FRMD6: variants seen among roughly 807,000 people sequenced by gnomAD.
FRMD6 encodes the protein FERM domain-containing protein 6.
FRMD6 carries 37 observed loss-of-function variants against 73.2 expected under a neutral mutation model. The ratio of observed to expected loss-of-function variants is 0.51; its 90% CI spans 0.39 to 0.66. The LOEUF (loss-of-function observed/expected upper bound fraction) is 0.66. Among genes scored for constraint, FRMD6 ranks in the 30% least tolerant of loss-of-function variants. FRMD6 has a pLI of 0.00. For synonymous variants in FRMD6, 273 were observed against 282.2 expected (o/e 0.97, Z 0.33); for missense variants, 714 against 780.5 (o/e 0.91, Z 1.02).
intron 1 of FRMD6, among the ~76,000 whole-genome samples, chr14:51,677,032 T>C (rs1182218336): frequency 1.3e-5 from 2 of 152,184 alleles, no homozygotes; most frequent in East Asian, 3.8e-4. Flanking sequence ...TTCCTTAATG[T>C]TGTTTTTTGA....
chr14:51,697,837 T>G (rs1392450387), intron 2 of FRMD6, among the ~76,000 whole-genome samples: 1 of 152,174 alleles, frequency 6.6e-6, no homozygotes, highest in East Asian at 1.9e-4. Context: ...CTGAGTAGGC[T>G]ATGCTGCTTA....
chr14:51,602,358 A>T (rs1415876124), intron 2 of FRMD6, among the ~76,000 whole-genome samples: 1 of 152,202 alleles, frequency 6.6e-6, no homozygotes, highest in Admixed American at 6.5e-5. Context: ...AAACAGATGT[A>T]GGCTTATGTC....
intron 3 of FRMD6, among the ~76,000 whole-genome samples, chr14:51,699,613 A>G (rs1025619645): frequency 1.3e-5 from 2 of 152,012 alleles, no homozygotes; most frequent in African/African-American, 2.4e-5. Context: ...ACTTCTCTCA[A>G]TGTCAGTTTT....
At chr14:51,708,386 G>T in intron 7 of FRMD6, 153 bp downstream of exon 7, 1 of 735,978 alleles carries the variant, frequency 1.4e-6, no homozygotes, top group South Asian at 2.0e-5. Context: ...TTTTGTTATC[G>T]CACGTCAGTC....
At chr14:51,714,654 C>G (rs1470142952) in intron 9 of FRMD6, 1 of 152,224 alleles carries the variant, frequency 6.6e-6, no homozygotes, top group African/African-American at 2.4e-5. Context: ...TCTCATACCT[C>G]CAACTACCAG....
the FRMD6 span, among the ~76,000 whole-genome samples, chr14:51,460,984 C>T: frequency 6.6e-6 from 1 of 152,122 alleles, no homozygotes; most frequent in Non-Finnish European, 1.5e-5. Context: ...TCCTTCCCTA[C>T]ATATAGTTTA....
intron 2 of FRMD6, among the ~76,000 whole-genome samples, chr14:51,629,168 C>A (rs1196550829): frequency 6.6e-6 from 1 of 152,148 alleles, no homozygotes; most frequent in Non-Finnish European, 1.5e-5. Context: ...CGTGAGCCAC[C>A]GCGCCCAGCC....
chr14:51,584,478 T>C (rs935248850), intron 2 of FRMD6, among the ~76,000 whole-genome samples: 8 of 152,166 alleles, frequency 5.3e-5, no homozygotes, highest in African/African-American at 1.4e-4. Flanking sequence ...AATAGGGAAA[T>C]TGGGCAATGG....
At chr14:51,646,274 C>T (rs1463974350) in intron 2 of FRMD6, among the ~76,000 whole-genome samples, 2 of 146,160 alleles carry the variant, frequency 1.4e-5, no homozygotes, top group Non-Finnish European at 3.0e-5. Context: ...GCCGAGATCG[C>T]GCCACTGCAC....
Position 51,626,954 on chromosome 14 carries a change from T to G in FRMD6, c.-147+56544T>G, listed in dbSNP as rs180821350. ...TAATTCTAACTCCAAATTATTCAAC[T>G]GGCAGATAGGCCTGAGAGAGCATTT... On this transcript the variant is annotated intron_variant, in intron 2 of 14. Coordinates refer to the FRMD6 transcript ENST00000356218. Among the ~76,000 whole-genome samples the G allele has an allele frequency of 1.1e-3, 167 of 152,358 alleles. 2 individuals are homozygous for G. The highest frequency in any genetic ancestry group is 3.9e-3 in the African/African-American group (162 of 41,590).
In FRMD6 at chr14:51,642,520, G is replaced by T. The variant is rs147304426; in HGVS notation, c.-146-47171G>T. Among the ~76,000 whole-genome samples, 654 of 152,298 alleles carry T rather than the reference G, an allele frequency of 4.3e-3. 3 individuals carry two copies. The highest frequency in any genetic ancestry group is 0.024 in the Middle Eastern group (7 of 294). The stretch of plus-strand genomic sequence containing the variant: ...CATTGCCCTCCATCCTGGGCGACAA[G>T]AGAGAAACTCCATCTCCTAAGTAAA... On this transcript the variant is annotated intron_variant, in intron 2 of 14. Coordinates refer to the FRMD6 transcript ENST00000356218.
chr14:51,595,296 A>T (rs1239714651), intron 2 of FRMD6, among the ~76,000 whole-genome samples: 1 of 152,226 alleles, frequency 6.6e-6, no homozygotes, highest in African/African-American at 2.4e-5. Context: ...TTGAACTCAA[A>T]TCTGTACCCT....
chr14:51,579,644 T>G (rs1431405507), intron 2 of FRMD6, among the ~76,000 whole-genome samples: 1 of 152,198 alleles, frequency 6.6e-6, no homozygotes, highest in Non-Finnish European at 1.5e-5. Context: ...GTCAAATGAA[T>G]GAGTAAATGA....
At chr14:51,665,078 C>T (rs1456829811) in intron 1 of FRMD6, among the ~76,000 whole-genome samples, 1 of 152,190 alleles carries the variant, frequency 6.6e-6, no homozygotes, top group Non-Finnish European at 1.5e-5. Flanking sequence ...GCCTGTGGCC[C>T]ACCAACAAGT....
intron 1 of FRMD6, among the ~76,000 whole-genome samples, chr14:51,673,756 G>T (rs1167554977): frequency 6.6e-6 from 1 of 152,152 alleles, no homozygotes; most frequent in Non-Finnish European, 1.5e-5. Context: ...GCATAATTAT[G>T]TGTGGAATAT....
the FRMD6 span, among the ~76,000 whole-genome samples, chr14:51,465,957 C>G: frequency 6.6e-6 from 1 of 152,094 alleles, no homozygotes; most frequent in Non-Finnish European, 1.5e-5. Context: ...CATATCCTCA[C>G]CAGAATTAAT....
At chr14:51,621,045 C>G (rs908402101) in intron 2 of FRMD6, among the ~76,000 whole-genome samples, 1 of 152,222 alleles carries the variant, frequency 6.6e-6, no homozygotes, top group African/African-American at 2.4e-5. Flanking sequence ...TCACTACATT[C>G]CAGGGCTGAT....
intron 1 of FRMD6, among the ~76,000 whole-genome samples, chr14:51,519,464 C>T (rs745742775): frequency 1.3e-5 from 2 of 152,120 alleles, no homozygotes; most frequent in African/African-American, 4.8e-5. Flanking sequence ...TTTTAGCAAA[C>T]ATTTTCTGAA....
At chr14:51,409,531 A>T in the FRMD6 span, among the ~76,000 whole-genome samples, 5 of 152,018 alleles carry the variant, frequency 3.3e-5, no homozygotes, top group Non-Finnish European at 5.9e-5. Flanking sequence ...TCAGGCTTTA[A>T]TTCTTGTTAA....
Sources: allele counts gnomAD v4.1 joint callset (sites outside exome capture counted in the v4.1 genomes callset), GRCh38; gene constraint gnomAD v4.1.1; transcripts MANE v1.5; gene names NCBI Gene and HGNC (gene_info 2026-07-23, HGNC 2026-07-21).